The following CHD6 variants were observed in gnomAD, a reference collection of about 807,000 sequenced individuals.
CHD6 encodes the protein ATP-dependent chromatin remodeler CHD6.
A neutral mutation model predicts 276.9 loss-of-function variants in CHD6; 50 were observed. That is an observed-to-expected ratio of 0.18 (90% CI 0.14 to 0.23). The LOEUF is 0.23. Among genes scored for constraint, CHD6 ranks in the 10% least tolerant of loss-of-function variants. The pLI, the probability that CHD6 is intolerant of heterozygous loss-of-function variation, is 1.00. For synonymous variants in CHD6, 1,173 were observed against 1,229.3 expected, an observed-to-expected ratio of 0.95 and a Z score of 0.96; for missense variants, 2,564 against 3,365.8, an observed-to-expected ratio of 0.76 and a Z score of 5.89.
At chr20:41,528,397 T>C (rs941286977) in intron 3 of CHD6, among the ~76,000 whole-genome samples, 1 of 152,220 alleles carries the variant, frequency 6.6e-6, no homozygotes, top group Non-Finnish European at 1.5e-5. Flanking sequence ...CTTAGGCAAG[T>C]GGCTCCAATC....
intron 34 of CHD6, chr20:41,414,465 T>C (rs2046933842): frequency 6.1e-6 from 1 of 164,702 alleles, no homozygotes; most frequent in Non-Finnish European, 1.3e-5. Flanking sequence ...GTTATTATTA[T>C]TGCTTTTAAA....
chr20:41,592,358 A>G (rs1300061708), intron 1 of CHD6, among the ~76,000 whole-genome samples: 1 of 152,246 alleles, frequency 6.6e-6, no homozygotes, highest in Non-Finnish European at 1.5e-5. Context: ...CAAAATAGAA[A>G]AACTTGGAAA....
chr20:41,451,089 G>T lies in CHD6; in HGVS notation c.3540C>A (p.Val1180=), dbSNP rs1360843550. ...TCTTCTTCCCCTTCCTCCCTCTGGG[G>T]ACTGGGGCAGATAAGCCTGAAACAG... is the stretch of plus-strand genomic sequence containing the variant. ...LQNHSGLSAP[V]PRGRKGKKTK... Residue 1180 remains valine, a synonymous_variant, in exon 23 of 37, where the codon GTC becomes GTA. Coordinates refer to ENST00000373233, the MANE Select transcript of CHD6 (RefSeq NM_032221.5). 3 of 1,613,702 alleles carry T rather than the reference G, an allele frequency of 1.9e-6. No individual in the cohort carries two copies. The highest frequency in any genetic ancestry group is 2.7e-5 in the African/African-American group (2 of 74,908).
At chr20:41,438,178 A>G (rs1010779208) in intron 26 of CHD6, among the ~76,000 whole-genome samples, 3 of 152,166 alleles carry the variant, frequency 2.0e-5, no homozygotes, top group Non-Finnish European at 4.4e-5. Flanking sequence ...ACTGGTTAAC[A>G]AGGACATTTT....
chr20:41,447,994 T>G (rs747693751), intron 23 of CHD6, 23 bp from the exon 24 acceptor site: 5 of 1,461,254 alleles, frequency 3.4e-6, no homozygotes, highest in Non-Finnish European at 4.8e-6. Context: ...AACACATTAA[T>G]GCAAACAAAT....
At position 41,447,874 on chromosome 20, in the gene CHD6, T is replaced by C. The variant is rs2048118703; in HGVS notation, c.3773+8A>G. 3 of 1,595,806 alleles carry C rather than the reference T, an allele frequency of 1.9e-6. No individual in the cohort carries two copies. The highest frequency in any genetic ancestry group is 2.6e-6 in the Non-Finnish European group (3 of 1,167,042). On this transcript the variant is annotated splice_region_variant and intron_variant, in intron 24 of 36. Transcript: ENST00000373233. Reference sequence around the variant, plus strand: ...TAACGTTGATATGTTAAGTTTCATTTGCTTTACCTGGCAGGAGATCCTTCA... The same window carrying C: ...TAACGTTGATATGTTAAGTTTCATTCGCTTTACCTGGCAGGAGATCCTTCA...
intron 1 of CHD6, among the ~76,000 whole-genome samples, chr20:41,575,078 C>T (rs1232350625): frequency 1.3e-5 from 2 of 152,154 alleles, no homozygotes; most frequent in East Asian, 1.9e-4. Context: ...TCACTTCAGC[C>T]TCTGATTGCA....
intron 1 of CHD6, among the ~76,000 whole-genome samples, chr20:41,609,855 CTTTTTTTTTTTTTT>C (rs369159347): frequency 1.6e-5 from 2 of 128,226 alleles, no homozygotes; most frequent in African/African-American, 5.7e-5. Flanking sequence ...TTTCTTTTTT[CTTTTTTTTTTTTTT>C]TTTTTGAGAT....
intron 5 of CHD6, among the ~76,000 whole-genome samples, chr20:41,501,148 T>C (rs1347741084): frequency 6.6e-6 from 1 of 152,216 alleles, no homozygotes; most frequent in Non-Finnish European, 1.5e-5. Flanking sequence ...TCCTAAATTT[T>C]TATCCCACAT....
chr20:41,595,233 G>GA (rs1243641856), intron 1 of CHD6, among the ~76,000 whole-genome samples: 4 of 152,190 alleles, frequency 2.6e-5, no homozygotes, highest in African/African-American at 4.8e-5. Context: ...ACCAATGTAA[G>GA]AAAATCCATG....
At chr20:41,565,262 A>T (rs2045343195) in intron 1 of CHD6, among the ~76,000 whole-genome samples, 1 of 151,752 alleles carries the variant, frequency 6.6e-6, no homozygotes, top group Non-Finnish European at 1.5e-5. Context: ...CACCCGGCTA[A>T]TTTTTGTATT....
rs143029038 is a variant in CHD6 at position 41,425,348 on chromosome 20, G to A, written c.4176C>T (p.Ser1392=). 1.1e-5 allele frequency: 17 copies of A among 1,614,070 alleles called. No individual in the cohort carries two copies. The highest frequency in any genetic ancestry group is 4.0e-5 in the African/African-American group (3 of 74,946). The change falls in exon 29 of 37, where the codon TCC becomes TCT. Residue 1392 remains serine (S), a synonymous_variant. Transcript: ENST00000373233. ...GACGTCTGAGACGAGCTGTGAGGGC[G>A]GAGGAAACTGGCCAGGGCGATTTGT... ...DPDKSPWPVS[S]ALTARLRRLV...
rs755480789 is a variant in CHD6, at chr20:41,454,741, G to A, written c.3010-5C>T. ...TCCTGAAGCCACAAAGCTAGCCTGT[G>A]AAGAAGACAAGAATTAATAAACTGT... On this transcript the variant is annotated splice_polypyrimidine_tract_variant and splice_region_variant and intron_variant, in intron 19 of 36. Transcript: ENST00000373233. 1.1e-5 allele frequency: 18 copies of A among 1,602,166 alleles called. No homozygotes were observed. Among genetic ancestry groups the A allele is most frequent in the Non-Finnish European group, 9.4e-6 (11 of 1,171,570 alleles).
rs545845043 is a variant in CHD6 at position 41,614,421 on chromosome 20, G to T, written c.-24+3919C>A. On this transcript the variant is annotated intron_variant, in intron 1 of 36. Transcript: ENST00000373233. ...TTCATTATGACTATAAAGAAAAAAG[G>T]TTCATCAATTCAAAAAAAAATCCTG... Among the ~76,000 whole-genome samples, 4 of 152,066 alleles carry T rather than the reference G, an allele frequency of 2.6e-5. No individual in the cohort carries two copies. In the South Asian group the frequency reaches 8.3e-4, roughly 31 times the overall value.
intron 1 of CHD6, among the ~76,000 whole-genome samples, chr20:41,599,649 G>T (rs1389638494): frequency 1.3e-5 from 2 of 152,110 alleles, no homozygotes. Context: ...TGAAGAGGAA[G>T]AACTATAAAC....
chr20:41,488,340 A>G lies in CHD6; in HGVS notation c.1857+88T>C, dbSNP rs956416876. The G allele has an allele frequency of 2.4e-5, 29 of 1,195,128 alleles. No homozygotes were observed. In the South Asian group the frequency reaches 3.7e-4, roughly 15 times the overall value. The allele number at this position is 1,195,128 out of a possible 1,614,324, so 74.0% of individuals were successfully genotyped here. ...TCTAATGTAAAACGACTAGGCAGAAATAAGTTACATGCAGAATGGCTAAAG... is the reference window on the plus strand; with the variant it reads ...TCTAATGTAAAACGACTAGGCAGAAGTAAGTTACATGCAGAATGGCTAAAG... On this transcript the variant is annotated intron_variant, in intron 13 of 36. Coordinates refer to ENST00000373233, the MANE Select transcript of CHD6 (RefSeq NM_032221.5).
chr20:41,511,416 CTCT>C (rs1357806661), intron 5 of CHD6, among the ~76,000 whole-genome samples: 1 of 152,176 alleles, frequency 6.6e-6, no homozygotes, highest in Non-Finnish European at 1.5e-5. Flanking sequence ...TGGCACAGAC[CTCT>C]TTTTTTCAAC....
intron 1 of CHD6, among the ~76,000 whole-genome samples, chr20:41,586,277 C>T (rs968301858): frequency 1.3e-5 from 2 of 152,214 alleles, no homozygotes; most frequent in East Asian, 3.9e-4. Flanking sequence ...CAAGACCCGC[C>T]GTTGACTTTC....
chr20:41,608,686 G>C (rs2045854446), intron 1 of CHD6, among the ~76,000 whole-genome samples: 1 of 152,148 alleles, frequency 6.6e-6, no homozygotes, highest in Non-Finnish European at 1.5e-5. Flanking sequence ...TAATGAAAAT[G>C]GATAGATGTC....
Sources: gnomAD v4.1 joint callset for allele counts (sites outside exome capture counted in the v4.1 genomes callset) on GRCh38, gnomAD v4.1.1 for gene constraint, MANE v1.5 for transcripts, NCBI Gene and HGNC (gene_info 2026-07-23, HGNC 2026-07-21) for gene names.